ACTR3: variants seen among roughly 807,000 people sequenced by gnomAD.
The protein encoded by ACTR3 is actin related protein 3.
ACTR3 carries 12 observed loss-of-function variants against 56.8 expected under a neutral mutation model. That is an observed-to-expected ratio of 0.21 (90% CI 0.14 to 0.34). ACTR3 has a LOEUF of 0.34. Among genes scored for constraint, ACTR3 ranks in the 10% least tolerant of loss-of-function variants. The pLI, the probability that ACTR3 is intolerant of heterozygous loss-of-function variation, is 1.00. For missense variants in ACTR3, 282 were observed against 512.5 expected, an observed-to-expected ratio of 0.55 and a Z score of 4.34; for synonymous variants, 162 against 167.4, an observed-to-expected ratio of 0.97 and a Z score of 0.25.
chr2:113,935,391 C>G (rs1679808677), intron 6 of ACTR3, among the ~76,000 whole-genome samples: 1 of 152,164 alleles, frequency 6.6e-6, no homozygotes, highest in African/African-American at 2.4e-5. Context: ...CCCTGGCAAC[C>G]ACGAATCTAC....
At chr2:113,893,317 T>G (rs749514910) in intron 1 of ACTR3, among the ~76,000 whole-genome samples, 1 of 152,112 alleles carries the variant, frequency 6.6e-6, no homozygotes, top group Non-Finnish European at 1.5e-5. Context: ...TGTTTTGAGA[T>G]GGAGTCTTGC....
chr2:113,944,748 C>T (rs917809972), intron 8 of ACTR3, among the ~76,000 whole-genome samples: 7 of 151,720 alleles, frequency 4.6e-5, no homozygotes, highest in Non-Finnish European at 8.8e-5. Context: ...GGCGACAGAG[C>T]GAGACTTCAT....
chr2:113,948,023 T>C (rs1455184748), intron 8 of ACTR3, among the ~76,000 whole-genome samples: 2 of 152,184 alleles, frequency 1.3e-5, no homozygotes, highest in Non-Finnish European at 2.9e-5. Context: ...AGGGGTGCCC[T>C]GCATGTTTCT....
intron 8 of ACTR3, among the ~76,000 whole-genome samples, chr2:113,946,366 G>T (rs6542184): frequency 0.3 from 45,148 of 151,496 alleles, 11,053 homozygotes; most frequent in African/African-American, 0.67. Flanking sequence ...AGGAGGGATG[G>T]TGTGAGAATA....
chr2:113,961,998 T>C lies in ACTR3; in HGVS notation c.*4543T>C, dbSNP rs928812159. 3 of 152,044 alleles carry C rather than the reference T, an allele frequency of 2.0e-5. No homozygotes were observed. The highest frequency in any genetic ancestry group is 4.8e-5 in the African/African-American group (2 of 41,450). 9.4% of individuals were successfully genotyped at this position (152,044 alleles called of 1,614,324 possible). ...TTCATATTTCCAGTGCCTGACATAT[T>C]GCTTGGCATATAGTAGTTTAGTGGA... On this transcript the variant is annotated 3_prime_UTR_variant, in exon 12 of 12. Transcript: ENST00000263238.
At chr2:113,898,522 A>T (rs185721498) in intron 1 of ACTR3, among the ~76,000 whole-genome samples, 2 of 152,306 alleles carry the variant, frequency 1.3e-5, no homozygotes, top group East Asian at 3.9e-4. Flanking sequence ...ATTTATAGTT[A>T]AAGTAGTTTT....
intron 3 of ACTR3, among the ~76,000 whole-genome samples, chr2:113,921,591 T>G (rs1679512779): frequency 6.6e-6 from 1 of 152,202 alleles, no homozygotes; most frequent in Non-Finnish European, 1.5e-5. Context: ...TCTAGTACTT[T>G]TATAGTTTTG....
At chr2:113,941,352 CATTCTGAA>C (rs1478206321) in intron 7 of ACTR3, among the ~76,000 whole-genome samples, 5 of 152,130 alleles carry the variant, frequency 3.3e-5, no homozygotes, top group Non-Finnish European at 7.4e-5. Flanking sequence ...GATTGATGGT[CATTCTGAA>C]TGTCTTTAAA....
In ACTR3 at chr2:113,959,956, T is replaced by C. The variant is rs1680296523; in HGVS notation, c.*2501T>C. On this transcript the variant is annotated 3_prime_UTR_variant, in exon 12 of 12. Transcript: ENST00000263238. ...TTGAACTCTCTGGACCTTGATTCAATTTATATATAAGGTAAAGGCATTATA... is the reference window on the plus strand; with the variant it reads ...TTGAACTCTCTGGACCTTGATTCAACTTATATATAAGGTAAAGGCATTATA... 1.3e-5 allele frequency: 2 copies of C among 152,072 alleles called. No homozygotes were observed. Among genetic ancestry groups the C allele is most frequent in the African/African-American group, 4.8e-5 (2 of 41,448 alleles). 9.4% of individuals were successfully genotyped at this position (152,072 alleles called of 1,614,324 possible).
At chr2:113,907,723 A>G (rs1293566487) in intron 1 of ACTR3, among the ~76,000 whole-genome samples, 1 of 152,128 alleles carries the variant, frequency 6.6e-6, no homozygotes, top group African/African-American at 2.4e-5. Context: ...CTGTAATCCC[A>G]GCACTTTGAG....
intron 1 of ACTR3, among the ~76,000 whole-genome samples, chr2:113,893,993 G>A (rs1296558469): frequency 2.0e-5 from 3 of 152,140 alleles, no homozygotes; most frequent in African/African-American, 7.2e-5. Flanking sequence ...CTTGTTTGAA[G>A]AGCAGTGGGG....
chr2:113,917,520 G>A (rs1679429913), intron 3 of ACTR3, among the ~76,000 whole-genome samples: 1 of 152,042 alleles, frequency 6.6e-6, no homozygotes, highest in African/African-American at 2.4e-5. Context: ...AACAGGTAAA[G>A]AAACAGAACA....
At chr2:113,910,119 C>G (rs1679279607) in intron 1 of ACTR3, among the ~76,000 whole-genome samples, 1 of 152,082 alleles carries the variant, frequency 6.6e-6, no homozygotes, top group Non-Finnish European at 1.5e-5. Context: ...CTTGAAAGAC[C>G]AAGGCATGAT....
At chr2:113,931,456 G>A in intron 5 of ACTR3, 60 bp downstream of exon 5, 1 of 1,170,558 alleles carries the variant, frequency 8.5e-7, no homozygotes, top group Non-Finnish European at 1.2e-6. Flanking sequence ...TTAATTTGCT[G>A]CCTAAAATAC....
chr2:113,913,569 T>C (rs1679348849), intron 2 of ACTR3, among the ~76,000 whole-genome samples: 1 of 152,204 alleles, frequency 6.6e-6, no homozygotes, highest in African/African-American at 2.4e-5. Context: ...CATATACCTA[T>C]GAAGACTGTC....
chr2:113,950,719 T>C (rs1680105405), intron 8 of ACTR3: 1 of 152,238 alleles, frequency 6.6e-6, no homozygotes, highest in Non-Finnish European at 1.5e-5. Context: ...CAGAGTTTGT[T>C]GTAAGAAGTG....
chr2:113,939,198 A>G (rs983963979), intron 6 of ACTR3, among the ~76,000 whole-genome samples: 2 of 151,264 alleles, frequency 1.3e-5, no homozygotes, highest in African/African-American at 4.9e-5. Flanking sequence ...TAATTTTTGT[A>G]TTTTTAGTAG....
chr2:113,940,237 AT>A (rs1467812966), intron 7 of ACTR3, 135 bp downstream of exon 7: 1 of 653,318 alleles, frequency 1.5e-6, no homozygotes, highest in East Asian at 3.4e-5. Flanking sequence ...ACCCTTAAAT[AT>A]ATTTACATTT....
At chr2:113,940,357 A>G (rs1165841784) in intron 7 of ACTR3, among the ~76,000 whole-genome samples, 3 of 152,184 alleles carry the variant, frequency 2.0e-5, no homozygotes, top group South Asian at 2.1e-4. Context: ...TGACATTAAC[A>G]TAAATTTTTG....
Sources: gnomAD v4.1 joint callset for allele counts (sites outside exome capture counted in the v4.1 genomes callset) on GRCh38, gnomAD v4.1.1 for gene constraint, MANE v1.5 for transcripts, NCBI Gene and HGNC (gene_info 2026-07-23, HGNC 2026-07-21) for gene names.